The following SCTR variants were observed in gnomAD, a reference collection of about 807,000 sequenced individuals.
The protein encoded by SCTR is secretin receptor, also known as pancreatic secretin receptor.
A neutral mutation model predicts 60.8 loss-of-function variants in SCTR; 56 were observed. The observed-to-expected ratio is 0.92, with a 90% CI of 0.74 to 1.15. The LOEUF is 1.15. Among genes scored for constraint, SCTR ranks in the 50% most tolerant of loss-of-function variants. SCTR has a pLI of 0.00. For missense variants in SCTR, 562 were observed against 550.4 expected (o/e 1.02, Z -0.21); for synonymous variants, 202 against 217.0 (o/e 0.93, Z 0.61).
chr2:119,492,232 G>C (rs899982809), intron 2 of SCTR, among the ~76,000 whole-genome samples: 7 of 152,168 alleles, frequency 4.6e-5, no homozygotes, highest in African/African-American at 1.7e-4. Flanking sequence ...GCAACATCTT[G>C]GAACTTTGCT....
Position 119,453,462 on chromosome 2 carries a change from TG to T in SCTR, c.791-116del. ...CAGCTACTGAGCAGGTGCCAAGATTTGGTTTCCACAGAAACCCCTCTGCCAT... is the reference window on the plus strand; with the variant it reads ...CAGCTACTGAGCAGGTGCCAAGATTTGTTTCCACAGAAACCCCTCTGCCAT... On this transcript the variant is annotated intron_variant, in intron 7 of 12. Coordinates refer to ENST00000019103, the MANE Select transcript of SCTR (RefSeq NM_002980.3). 6 of 797,242 alleles carry T rather than the reference TG, an allele frequency of 7.5e-6. 1 individual carries two copies. The South Asian group carries it at 9.0e-5, about 12-fold the overall frequency. 49.4% of individuals were successfully genotyped at this position (797,242 alleles called of 1,614,324 possible).
At chr2:119,455,047 T>A (rs80117615) in intron 7 of SCTR, among the ~76,000 whole-genome samples, 2 of 145,880 alleles carry the variant, frequency 1.4e-5, no homozygotes, top group South Asian at 2.2e-4. Context: ...CTTTTTTTTT[T>A]AAGCAGAAAT....
At chr2:119,503,123 C>T (rs1164399530) in intron 1 of SCTR, among the ~76,000 whole-genome samples, 1 of 135,898 alleles carries the variant, frequency 7.4e-6, no homozygotes, top group Non-Finnish European at 1.5e-5. Context: ...AGCGCCAGTG[C>T]ACTCCAGCCT....
intron 1 of SCTR, among the ~76,000 whole-genome samples, chr2:119,519,835 A>G (rs1306182951): frequency 1.4e-5 from 2 of 140,508 alleles, no homozygotes; most frequent in African/African-American, 2.6e-5. Context: ...AAAGAAAAAA[A>G]GAAAAGAAAA....
intron 6 of SCTR, among the ~76,000 whole-genome samples, chr2:119,462,419 C>T (rs1683649116): frequency 6.6e-6 from 1 of 152,208 alleles, no homozygotes; most frequent in African/African-American, 2.4e-5. Flanking sequence ...TTTCTAAGCT[C>T]AGTTCCCTTG....
At chr2:119,515,392 T>G (rs1271753005) in intron 1 of SCTR, among the ~76,000 whole-genome samples, 1 of 152,216 alleles carries the variant, frequency 6.6e-6, no homozygotes, top group Non-Finnish European at 1.5e-5. Flanking sequence ...TCAACTTGAC[T>G]GGATTAAGGG....
intron 3 of SCTR, among the ~76,000 whole-genome samples, chr2:119,475,920 G>A (rs1481340667): frequency 1.6e-4 from 24 of 151,974 alleles, no homozygotes; most frequent in African/African-American, 5.8e-4. Context: ...TTTTAATAAG[G>A]AACTCTGGAA....
intron 9 of SCTR, among the ~76,000 whole-genome samples, chr2:119,450,359 T>A (rs1168970030): frequency 6.6e-6 from 1 of 152,120 alleles, no homozygotes; most frequent in African/African-American, 2.4e-5. Flanking sequence ...CCGTCCTTCA[T>A]CCAGGGTTGT....
chr2:119,494,609 G>A, intron 1 of SCTR, 61 bp from the exon 2 acceptor site: 1 of 1,579,866 alleles, frequency 6.3e-7, no homozygotes, highest in Non-Finnish European at 8.7e-7. Context: ...CCACATGGGG[G>A]AGAATGGGGC....
chr2:119,479,216 C>A, intron 2 of SCTR: 1 of 1,095,766 alleles, frequency 9.1e-7, no homozygotes, highest in Non-Finnish European at 1.1e-6. Context: ...AAGTAAAGGT[C>A]TGGATTTCTC....
In SCTR at chr2:119,503,150, C is replaced by A. The variant is rs1207930414; in HGVS notation, c.73-8602G>T. ...CTCCAGCCTGGGCGACAAAGCAAGA[C>A]TCCATCTCAAAAAAAAAAAAAAAAA... On this transcript the variant is annotated intron_variant, in intron 1 of 12. Coordinates refer to ENST00000019103, the MANE Select transcript of SCTR (RefSeq NM_002980.3). Among the ~76,000 whole-genome samples the A allele has an allele frequency of 2.6e-5, 3 of 116,940 alleles. No individual in the cohort carries two copies. In the East Asian group the frequency reaches 7.0e-4, roughly 27 times the overall value. The allele number at this position is 116,940 out of a possible 152,430, so 76.7% of individuals were successfully genotyped here. A position where few individuals can be genotyped will look rare whatever the true frequency, so the allele number is the denominator to read the frequency against.
chr2:119,472,643 T>G (rs1677072989), intron 4 of SCTR, among the ~76,000 whole-genome samples: 1 of 152,134 alleles, frequency 6.6e-6, no homozygotes, highest in South Asian at 2.1e-4. Context: ...GTAAACATTT[T>G]TTTTTTTAAG....
chr2:119,483,910 C>T (rs770220945), intron 2 of SCTR, among the ~76,000 whole-genome samples: 6 of 151,978 alleles, frequency 3.9e-5, no homozygotes, highest in Admixed American at 2.6e-4. Context: ...GCTTTGAATG[C>T]AGCATCTCAG....
At chr2:119,508,311 C>T (rs1269212748) in intron 1 of SCTR, among the ~76,000 whole-genome samples, 1 of 151,674 alleles carries the variant, frequency 6.6e-6, no homozygotes, top group Non-Finnish European at 1.5e-5. Context: ...GCTTCTGAAC[C>T]TCCACATTCC....
chr2:119,510,529 A>G (rs958981668), intron 1 of SCTR, among the ~76,000 whole-genome samples: 2 of 152,146 alleles, frequency 1.3e-5, no homozygotes, highest in Admixed American at 1.3e-4. Context: ...ATCAACCTAG[A>G]GAAGAGGGGG....
chr2:119,523,945 T>C (rs1679370648), intron 1 of SCTR, among the ~76,000 whole-genome samples: 1 of 152,108 alleles, frequency 6.6e-6, no homozygotes, highest in African/African-American at 2.4e-5. Flanking sequence ...GCCGCCTTCG[T>C]CTGGCGCGCA....
intron 1 of SCTR, among the ~76,000 whole-genome samples, chr2:119,496,794 C>A (rs1423553525): frequency 6.6e-6 from 1 of 152,214 alleles, no homozygotes; most frequent in Non-Finnish European, 1.5e-5. Flanking sequence ...CACCCTACTC[C>A]TGCCAACCAC....
In SCTR at chr2:119,504,839, T is replaced by A. The variant is rs190690354; in HGVS notation, c.73-10291A>T. 2.6e-3 allele frequency among the ~76,000 whole-genome samples: 401 copies of A among 152,208 alleles called. 3 individuals carry two copies. The highest frequency in any genetic ancestry group is 5.4e-4 in the Non-Finnish European group (37 of 68,016). On this transcript the variant is annotated intron_variant, in intron 1 of 12. Coordinates refer to ENST00000019103, the MANE Select transcript of SCTR (RefSeq NM_002980.3). ...CTACATATTCAAGGAAGGAATAATA[T>A]CTAAAATATACAAAGAATGCTTGAA...
In SCTR at chr2:119,524,194, C is replaced by G; in HGVS notation, c.33G>C (p.Gln11His). Residue 11 changes from glutamine (Q) to histidine (H), a missense_variant, in exon 1 of 13, where the codon CAG (glutamine) becomes CAC (histidine). Coordinates refer to ENST00000019103, the MANE Select transcript of SCTR (RefSeq NM_002980.3). ...AGGCGAGCAGCACCGGCAGTAGTAG[C>G]TGCTGCAGCGGCGGCGACAGGTGGG... MRPHLSPPLQ[Q>H]LLLPVLLACA... The G allele has an allele frequency of 6.6e-7, 1 of 1,523,654 alleles. No homozygotes were observed. Among genetic ancestry groups the G allele is most frequent in the South Asian group, 1.2e-5 (1 of 82,614 alleles). 94.4% of individuals were successfully genotyped at this position (1,523,654 alleles called of 1,614,324 possible).
Sources: allele counts gnomAD v4.1 joint callset (sites outside exome capture counted in the v4.1 genomes callset), GRCh38; gene constraint gnomAD v4.1.1; transcripts MANE v1.5; gene names NCBI Gene and HGNC (gene_info 2026-07-23, HGNC 2026-07-21).